ACP7: variants seen among roughly 807,000 people sequenced by gnomAD.
ACP7 encodes the protein acid phosphatase 7, tartrate resistant (putative).
A neutral mutation model predicts 60.6 loss-of-function variants in ACP7; 58 were observed. That is an observed-to-expected ratio of 0.96 (90% confidence interval 0.77 to 1.19). The LOEUF (loss-of-function observed/expected upper bound fraction) is 1.19, where lower values mean the gene tolerates loss of function less well. ACP7 is among the 50% of genes most tolerant of loss of function. ACP7 has a pLI of 0.00. For synonymous variants in ACP7, 237 were observed against 232.6 expected (o/e 1.02, Z -0.17); for missense variants, 574 against 596.2 (o/e 0.96, Z 0.39).
At chr19:39,084,168 C>A (rs1182021793), upstream of ACP7, 1 of 152,218 alleles carries the variant, frequency 6.6e-6, no homozygotes, top group Non-Finnish European at 1.5e-5. Flanking sequence ...CCCCTTCCCG[C>A]GCCACGCCCT....
chr19:39,101,033 G>A lies in ACP7; in HGVS notation c.892G>A (p.Asp298Asn), dbSNP rs2073337862. The A allele has an allele frequency of 4.3e-6, 7 of 1,613,974 alleles. No individual in the cohort carries two copies. Among genetic ancestry groups the A allele is most frequent in the Non-Finnish European group, 5.9e-6 (7 of 1,180,030 alleles). Reference protein sequence around the residue: ...PMYCSNADLDDCTRHESKVRK... With the variant: ...PMYCSNADLDNCTRHESKVRK... ...GTACTGCTCCAACGCAGATCTGGACGACTGCACACGACATGAAAGCAAGGT... is the reference window on the plus strand; with the variant it reads ...GTACTGCTCCAACGCAGATCTGGACAACTGCACACGACATGAAAGCAAGGT... The change falls in exon 8 of 13, where the codon GAC becomes AAC. Residue 298 changes from aspartate to asparagine, a missense_variant. By Grantham distance (23) the Asp-to-Asn change is conservative (BLOSUM62 1). Transcript: ENST00000331256.
intron 2 of ACP7, among the ~76,000 whole-genome samples, chr19:39,093,172 C>CCTTCCTTCCTTCCT (rs1555767303): frequency 2.5e-5 from 2 of 80,862 alleles, no homozygotes; most frequent in African/African-American, 5.1e-5. Context: ...CTTTCTTTCT[C>CCTTCCTTCCTTCCT]TCCTTCCTTC....
intron 12 of ACP7, among the ~76,000 whole-genome samples, chr19:39,108,865 G>C (rs2073439066): frequency 6.6e-6 from 1 of 152,106 alleles, no homozygotes; most frequent in South Asian, 2.1e-4. Flanking sequence ...CTGTCGCCCA[G>C]GCTAGAGTGC....
At chr19:39,086,327 TA>T (rs961897907) in intron 2 of ACP7, among the ~76,000 whole-genome samples, 154 of 144,122 alleles carry the variant, frequency 1.1e-3, no homozygotes, top group African/African-American at 1.6e-3. Context: ...ACCCTGTCTT[TA>T]AAAAAAAAAA....
chr19:39,087,813 T>A (rs907826470), intron 2 of ACP7, among the ~76,000 whole-genome samples: 4 of 152,014 alleles, frequency 2.6e-5, no homozygotes, highest in African/African-American at 4.8e-5. Context: ...TTTGTATTTT[T>A]AGTAGAGACG....
intron 2 of ACP7, among the ~76,000 whole-genome samples, chr19:39,092,951 T>C (rs1201728888): frequency 1.3e-5 from 2 of 151,388 alleles, no homozygotes; most frequent in African/African-American, 4.9e-5. Flanking sequence ...CTAATTTTTG[T>C]AGTTTTGGTA....
rs1391535514 is a variant in ACP7, at chr19:39,101,519, C to G, written c.1095C>G (p.His365Gln). Residue 365 changes from histidine to glutamine, a missense_variant, in exon 11 of 13, where the codon CAC (histidine) becomes CAG (glutamine). By Grantham distance (24) the His-to-Gln change is conservative. Coordinates refer to ENST00000331256, the MANE Select transcript of ACP7 (RefSeq NM_001004318.3). ...ACACCAACCCGCGAGGGCCTGTCCA[C>G]ATCATCACAGGATCTGCTGTGAGCA... ...MPYTNPRGPV[H>Q]IITGSAGCEE... The G allele has an allele frequency of 3.7e-6, 6 of 1,614,068 alleles. No individual in the cohort carries two copies. In the South Asian group the frequency reaches 6.6e-5, roughly 18 times the overall value.
intron 2 of ACP7, among the ~76,000 whole-genome samples, chr19:39,092,709 C>T (rs191938338): frequency 1.9e-4 from 29 of 150,928 alleles, no homozygotes; most frequent in South Asian, 8.4e-4. Flanking sequence ...CAAAATTATA[C>T]GAAAAGCCTG....
In ACP7 at chr19:39,100,369, G is replaced by C. The variant is rs780311218; in HGVS notation, c.629+19G>C. ...AACGCTAGTGAGGACTGAGGGTGGTGGCGGTGGGCGAGGGCTGGATCAATG... is the reference window on the plus strand; with the variant it reads ...AACGCTAGTGAGGACTGAGGGTGGTCGCGGTGGGCGAGGGCTGGATCAATG... On this transcript the variant is annotated intron_variant, in intron 5 of 12. Coordinates refer to ENST00000331256, the MANE Select transcript of ACP7 (RefSeq NM_001004318.3). 28 of 1,613,290 alleles carry C rather than the reference G, an allele frequency of 1.7e-5. No homozygotes were observed. The highest frequency in any genetic ancestry group is 2.3e-5 in the Non-Finnish European group (27 of 1,179,346).
rs573142498 is a variant in ACP7 at position 39,098,791 on chromosome 19, A to C, written c.322+133A>C. 49 of 1,353,138 alleles carry C rather than the reference A, an allele frequency of 3.6e-5. No individual in the cohort carries two copies. The African/African-American group carries it at 6.6e-4, about 18-fold the overall frequency. 83.8% of individuals were successfully genotyped at this position (1,353,138 alleles called of 1,614,324 possible). On this transcript the variant is annotated intron_variant, in intron 3 of 12. Coordinates refer to ENST00000331256, the MANE Select transcript of ACP7 (RefSeq NM_001004318.3). ...TGCCTATCTGCAAGCCTGTTGTATG[A>C]GACCCCAGGATGAAAACGGAAGGTG...
chr19:39,101,396 C>T (rs1186879413), intron 10 of ACP7, 41 bp downstream of exon 10: 5 of 1,613,834 alleles, frequency 3.1e-6, no homozygotes, highest in Middle Eastern at 3.3e-4. Context: ...CAGCTGGGGT[C>T]AGGGTGGTCA....
chr19:39,103,441 G>GTGTTTTTT lies in ACP7; in HGVS notation c.1113+1905_1113+1906insGTTTTTTT, dbSNP rs1230916229. On this transcript the variant is annotated intron_variant, in intron 11 of 12. Transcript: ENST00000331256. ...TCAAAACATTCCAGGATCATCATGT[G>GTGTTTTTT]TTTTTTTTTTTTTTTTTTTTTTTTT... Among the ~76,000 whole-genome samples the GTGTTTTTT allele has an allele frequency of 4.1e-3, 267 of 64,746 alleles. 22 individuals carry two copies. The highest frequency in any genetic ancestry group is 5.2e-3 in the Non-Finnish European group (195 of 37,238). The allele number at this position is 64,746 out of a possible 152,430, so 42.5% of individuals were successfully genotyped here.
At chr19:39,096,698 C>T (rs1352970444) in intron 2 of ACP7, among the ~76,000 whole-genome samples, 2 of 152,146 alleles carry the variant, frequency 1.3e-5, no homozygotes, top group Non-Finnish European at 2.9e-5. Context: ...AAAGACATAC[C>T]CAAGACTGGG....
At chr19:39,098,784 T>C (rs977506196) in intron 3 of ACP7, 126 bp downstream of exon 3, 47 of 1,348,824 alleles carry the variant, frequency 3.5e-5, no homozygotes, top group East Asian at 2.4e-5. Flanking sequence ...TGCAAGCCTG[T>C]TGTATGAGAC....
At chr19:39,090,967 G>A (rs2144972346) in intron 2 of ACP7, among the ~76,000 whole-genome samples, 1 of 152,006 alleles carries the variant, frequency 6.6e-6, no homozygotes, top group African/African-American at 2.4e-5. Flanking sequence ...TGAAAAATCT[G>A]ATGTTATGAT....
chr19:39,098,668 G>T lies in ACP7; in HGVS notation c.322+10G>T, dbSNP rs756114485. On this transcript the variant is annotated intron_variant, in intron 3 of 12. Transcript: ENST00000331256. The stretch of plus-strand genomic sequence containing the variant: ...CCAGGGGTTCAGTATGGTGAGAGGG[G>T]CCCCAGGCTGAGCTGTTGAGGAGGA... 2 of 1,601,716 alleles carry T rather than the reference G, an allele frequency of 1.2e-6. No homozygotes were observed. Among genetic ancestry groups the T allele is most frequent in the African/African-American group, 1.3e-5 (1 of 74,552 alleles).
chr19:39,109,839 A>G (rs1436008084), intron 12 of ACP7, among the ~76,000 whole-genome samples: 3 of 152,054 alleles, frequency 2.0e-5, no homozygotes, highest in East Asian at 3.9e-4. Flanking sequence ...TACAAATACT[A>G]TCTCATTTAA....
chr19:39,089,608 C>T (rs934566684), intron 2 of ACP7, among the ~76,000 whole-genome samples: 34 of 152,166 alleles, frequency 2.2e-4, no homozygotes, highest in African/African-American at 7.0e-4. Context: ...GAATCCGATC[C>T]AGGATCTCAC....
At chr19:39,096,401 C>A (rs565567959) in intron 2 of ACP7, among the ~76,000 whole-genome samples, 57 of 152,298 alleles carry the variant, frequency 3.7e-4, no homozygotes, top group Middle Eastern at 3.4e-3. Context: ...ACAAGAGTCA[C>A]CTTTGCTCCA....
Sources: allele counts gnomAD v4.1 joint callset (sites outside exome capture counted in the v4.1 genomes callset), GRCh38; gene constraint gnomAD v4.1.1; transcripts MANE v1.5; gene names NCBI Gene and HGNC (gene_info 2026-07-23, HGNC 2026-07-21).